IKZF5: variants seen among roughly 807,000 people sequenced by gnomAD.
IKZF5 encodes the protein zinc finger protein Pegasus.
Under a neutral mutation model 30.7 loss-of-function variants are expected in IKZF5, and 4 were observed. The observed-to-expected ratio is 0.13, with a 90% confidence interval of 0.06 to 0.30. The LOEUF (loss-of-function observed/expected upper bound fraction) is 0.30, where lower values mean the gene tolerates loss of function less well. Among genes scored for constraint, IKZF5 ranks in the 10% least tolerant of loss-of-function variants. The pLI, the probability that IKZF5 is intolerant of heterozygous loss-of-function variation, is 1.00. For missense variants in IKZF5, 348 were observed against 525.5 expected (o/e 0.66, Z 3.30); for synonymous variants, 148 against 179.6 (o/e 0.82, Z 1.41).
Position 122,994,237 on chromosome 10 carries a change from T to C in IKZF5, c.803A>G (p.Glu268Gly), listed in dbSNP as rs1415223580. 2 of 1,614,048 alleles carry C rather than the reference T, an allele frequency of 1.2e-6. No individual in the cohort carries two copies. Among genetic ancestry groups the C allele is most frequent in the South Asian group, 1.1e-5 (1 of 91,054 alleles). ...LAGQLSSLPPENQNPASPDVV... is the reference protein window; with the variant it reads ...LAGQLSSLPPGNQNPASPDVV... ...ATCAGGGGATGCAGGGTTTTGGTTT[T>C]CGGGTGGCAGACTGGACAACTGCCC... Residue 268 changes from glutamate to glycine, a missense_variant, in exon 5 of 5, where the codon GAA becomes GGA. Glu to Gly is a moderately conservative substitution (Grantham distance 98, BLOSUM62 -2). Transcript: ENST00000368886. This position sits in a 1 kb window ranked among gnomAD's most constrained non-coding sequence, Gnocchi z 5.6.
At chr10:123,001,258 G>A (rs1025310133) in intron 2 of IKZF5, among the ~76,000 whole-genome samples, 5 of 151,984 alleles carry the variant, frequency 3.3e-5, no homozygotes, top group African/African-American at 9.7e-5. Context: ...TGCCCACCTC[G>A]GCCTCCCAAA....
intron 3 of IKZF5, chr10:122,998,257 A>C: frequency 2.8e-6 from 1 of 357,136 alleles, no homozygotes; most frequent in Non-Finnish European, 5.0e-6. Flanking sequence ...GAGGACAGGA[A>C]GGGTATTTGG....
rs958040966 is a variant in IKZF5 at position 123,008,723 on chromosome 10, C to T, written c.-227G>A. On this transcript the variant is annotated 5_prime_UTR_variant, in exon 1 of 5. The change creates a new upstream start codon in the 5' untranslated region. Transcript: ENST00000368886. Reference sequence around the variant, plus strand: ...TGACAACTGCATGGAGTAAACCACACCGCCTTGTTAAATGCCGTCGCCGCC... The same window carrying T: ...TGACAACTGCATGGAGTAAACCACATCGCCTTGTTAAATGCCGTCGCCGCC... 5.4e-6 allele frequency: 3 copies of T among 557,710 alleles called. No individual in the cohort carries two copies. Among genetic ancestry groups the T allele is most frequent in the East Asian group, 6.2e-5 (2 of 32,376 alleles). 34.5% of individuals were successfully genotyped at this position (557,710 alleles called of 1,614,324 possible). A position where few individuals can be genotyped will look rare whatever the true frequency, so the allele number is the denominator to read the frequency against.
intron 1 of IKZF5, 68 bp downstream of exon 1, chr10:123,008,626 G>C: frequency 4.4e-5 from 14 of 314,628 alleles, no homozygotes; most frequent in South Asian, 4.1e-4. Context: ...TCCAGTCTCC[G>C]GCCGCTCCTT....
intron 2 of IKZF5, among the ~76,000 whole-genome samples, chr10:123,001,131 G>A (rs528713130): frequency 2.0e-5 from 3 of 151,582 alleles, no homozygotes; most frequent in African/African-American, 4.8e-5. Context: ...TCAGCCTCCC[G>A]AGTAGCTGGG....
At chr10:123,002,496 G>GA (rs1202877554) in intron 2 of IKZF5, among the ~76,000 whole-genome samples, 1 of 147,952 alleles carries the variant, frequency 6.8e-6, no homozygotes, top group Non-Finnish European at 1.5e-5. Flanking sequence ...CTCCAGCCTG[G>GA]CGACAGAGCA....
intron 3 of IKZF5, 38 bp downstream of exon 3, chr10:122,998,455 A>C: frequency 6.4e-7 from 1 of 1,564,398 alleles, no homozygotes; most frequent in Non-Finnish European, 8.7e-7. Context: ...GTACGTGTAT[A>C]AAAAGTGAAT....
chr10:122,995,624 CTT>C (rs1397483618), intron 4 of IKZF5, among the ~76,000 whole-genome samples: 1 of 152,176 alleles, frequency 6.6e-6, no homozygotes, highest in Admixed American at 6.5e-5. Context: ...CAACTGTATA[CTT>C]TCTGAAACCT....
chr10:122,999,232 C>T (rs899713193), intron 2 of IKZF5, among the ~76,000 whole-genome samples: 3 of 152,194 alleles, frequency 2.0e-5, no homozygotes, highest in African/African-American at 7.2e-5. Context: ...TATTCCTACG[C>T]AGTTGCTACT....
intron 1 of IKZF5, among the ~76,000 whole-genome samples, chr10:123,008,218 CT>C (rs1342434768): frequency 6.6e-6 from 1 of 152,206 alleles, no homozygotes; most frequent in Non-Finnish European, 1.5e-5. Flanking sequence ...TTTAAACGTC[CT>C]TCTCCCAACA....
At chr10:123,004,977 A>C (rs1414263815) in intron 2 of IKZF5, among the ~76,000 whole-genome samples, 1 of 152,148 alleles carries the variant, frequency 6.6e-6, no homozygotes, top group Non-Finnish European at 1.5e-5. Flanking sequence ...AAGCATAATA[A>C]ATTGAAAAAT....
Position 122,995,982 on chromosome 10 carries a change from T to C in IKZF5, c.316+12A>G, listed in dbSNP as rs748861946. The C allele has an allele frequency of 6.2e-7, 1 of 1,611,250 alleles. No homozygotes were observed. Among genetic ancestry groups the C allele is most frequent in the South Asian group, 1.1e-5 (1 of 91,018 alleles). The stretch of plus-strand genomic sequence containing the variant: ...CTCACAGAAATGCTTTTTCCAGCTG[T>C]CTTTCCATTACCTGTGTGGATTCTG... On this transcript the variant is annotated intron_variant, in intron 4 of 4. Transcript: ENST00000368886.
chr10:123,003,302 AT>A (rs1382791322), intron 2 of IKZF5, among the ~76,000 whole-genome samples: 1 of 151,804 alleles, frequency 6.6e-6, no homozygotes, highest in African/African-American at 2.4e-5. Flanking sequence ...TAGCATTTAC[AT>A]TGTATTAGGT....
At chr10:123,004,616 T>C (rs1849715716) in intron 2 of IKZF5, among the ~76,000 whole-genome samples, 1 of 117,138 alleles carries the variant, frequency 8.5e-6, no homozygotes, top group Non-Finnish European at 1.9e-5. Context: ...TCAACCACAA[T>C]GCATGATAAA....
Position 122,994,741 on chromosome 10 carries a change from T to C in IKZF5, c.317-18A>G, listed in dbSNP as rs766569463. ...TTTTTCACCTGTTTCAAAAGAAAAA[T>C]GATGGAGAAACTACAAGAGTAGTTC... is the stretch of plus-strand genomic sequence containing the variant. On this transcript the variant is annotated intron_variant, in intron 4 of 4. Transcript: ENST00000368886. This position sits in a 1 kb window ranked among gnomAD's most constrained non-coding sequence, Gnocchi z 5.6. 22 of 1,559,522 alleles carry C rather than the reference T, an allele frequency of 1.4e-5. No homozygotes were observed. The highest frequency in any genetic ancestry group is 1.8e-5 in the Non-Finnish European group (21 of 1,152,162).
At chr10:123,005,713 G>C (rs1030471376) in intron 2 of IKZF5, among the ~76,000 whole-genome samples, 1 of 152,180 alleles carries the variant, frequency 6.6e-6, no homozygotes, top group Admixed American at 6.5e-5. Flanking sequence ...GCCTTGTGAA[G>C]AGATCCAGAG....
At position 122,994,212 on chromosome 10, in the gene IKZF5, A is replaced by G. The variant is rs1176666896; in HGVS notation, c.828T>C (p.Asp276=). Residue 276 remains aspartate, a synonymous_variant, in exon 5 of 5, where the codon GAT becomes GAC. Coordinates refer to ENST00000368886, the MANE Select transcript of IKZF5 (RefSeq NM_001372123.1). The surrounding 1 kb of genome is among the most constrained non-coding windows in gnomAD (Gnocchi z 5.6). ...GCTTTTCATCAGGGCAGGGAACTACATCAGGGGATGCAGGGTTTTGGTTTT... is the reference window on the plus strand; with the variant it reads ...GCTTTTCATCAGGGCAGGGAACTACGTCAGGGGATGCAGGGTTTTGGTTTT... The part of the protein sequence containing the change: ...PPENQNPASP[D]VVPCPDEKPF... 1 of 1,613,984 alleles carries G rather than the reference A, an allele frequency of 6.2e-7. No individual in the cohort carries two copies. Among genetic ancestry groups the G allele is most frequent in the African/African-American group, 1.3e-5 (1 of 74,892 alleles).
chr10:123,003,742 G>A (rs915239204), intron 2 of IKZF5, among the ~76,000 whole-genome samples: 2 of 152,112 alleles, frequency 1.3e-5, no homozygotes, highest in Non-Finnish European at 1.5e-5. Context: ...GTTCATCAAC[G>A]TGGTTGAAAA....
At chr10:122,999,247 A>G (rs1849499434) in intron 2 of IKZF5, among the ~76,000 whole-genome samples, 1 of 152,242 alleles carries the variant, frequency 6.6e-6, no homozygotes, top group South Asian at 2.1e-4. Context: ...GCTACTAGCC[A>G]CATATAGCTA....
Sources: allele counts gnomAD v4.1 joint callset (sites outside exome capture counted in the v4.1 genomes callset), GRCh38; gene constraint gnomAD v4.1.1; non-coding constraint Gnocchi (gnomAD v3.1); transcripts MANE v1.5; gene names NCBI Gene and HGNC (gene_info 2026-07-23, HGNC 2026-07-21).